The following AK5 variants were observed in gnomAD, a reference collection of about 807,000 sequenced individuals.
AK5 encodes the protein adenylate kinase isoenzyme 5.
In AK5, 27 loss-of-function variants were observed where a neutral mutation model predicts 69.5. That is an observed-to-expected ratio of 0.39 (90% CI 0.29 to 0.54). AK5 has a LOEUF of 0.54. Ranked by LOEUF, AK5 falls within the 20% of genes least tolerant of loss-of-function variation. The probability of loss-of-function intolerance (pLI) is 0.71; values close to 1 mark genes in which losing one functional copy is unlikely to be tolerated. For synonymous variants in AK5, 260 were observed against 244.4 expected (o/e 1.06, Z -0.60); for missense variants, 531 against 700.4 (o/e 0.76, Z 2.73).
chr1:77,534,869 C>A (rs2100354556), intron 12 of AK5, among the ~76,000 whole-genome samples: 1 of 152,232 alleles, frequency 6.6e-6, no homozygotes, highest in South Asian at 2.1e-4. Context: ...CTTTAAAGAA[C>A]AATTTGTTAT....
chr1:77,538,266 G>A (rs1243284028), intron 13 of AK5, among the ~76,000 whole-genome samples: 2 of 151,600 alleles, frequency 1.3e-5, no homozygotes, highest in African/African-American at 4.8e-5. Context: ...TTGAGCCTGG[G>A]AGGTCAAGGC....
Position 77,297,742 on chromosome 1 carries a change from A to C in AK5, c.585+14A>C, listed in dbSNP as rs745489963. Reference sequence around the variant, plus strand: ...TTGGCCCCACAGGTACTGCTGTATAATTATCTTTTATTCTGCAAAATGTTT... The same window carrying C: ...TTGGCCCCACAGGTACTGCTGTATACTTATCTTTTATTCTGCAAAATGTTT... On this transcript the variant is annotated intron_variant, in intron 4 of 13. Coordinates refer to ENST00000354567, the MANE Select transcript of AK5 (RefSeq NM_174858.3). 4.4e-6 allele frequency: 7 copies of C among 1,607,250 alleles called. No individual in the cohort carries two copies. The highest frequency in any genetic ancestry group is 1.7e-6 in the Non-Finnish European group (2 of 1,177,794).
At chr1:77,367,662 ATGT>A (rs1225059591) in intron 6 of AK5, among the ~76,000 whole-genome samples, 3 of 95,572 alleles carry the variant, frequency 3.1e-5, no homozygotes, top group African/African-American at 4.2e-5. Context: ...TGTTATATAT[ATGT>A]TATATATAAT....
At position 77,477,707 on chromosome 1, in the gene AK5, A is replaced by G. The variant is rs1368825018; in HGVS notation, c.1060-5610A>G. On this transcript the variant is annotated intron_variant, in intron 8 of 13. Transcript: ENST00000354567. The stretch of plus-strand genomic sequence containing the variant: ...TCTATGTTCAGTGTCAGAAAAACAA[A>G]GTCTCCTTTTTTTGCAGCATTCATT... Among the ~76,000 whole-genome samples, 3 of 152,170 alleles carry G rather than the reference A, an allele frequency of 2.0e-5. No homozygotes were observed. The East Asian group carries it at 5.8e-4, about 29-fold the overall frequency.
At chr1:77,404,974 G>A (rs1341642405) in intron 6 of AK5, among the ~76,000 whole-genome samples, 1 of 152,122 alleles carries the variant, frequency 6.6e-6, no homozygotes, top group Non-Finnish European at 1.5e-5. Context: ...TTACTCGGAG[G>A]ATATAAGACC....
intron 6 of AK5, among the ~76,000 whole-genome samples, chr1:77,377,219 T>C (rs573492252): frequency 2.9e-4 from 44 of 152,288 alleles, no homozygotes; most frequent in African/African-American, 1.1e-3. Context: ...TCCTCTCTAC[T>C]TGGGTGTCAC....
intron 6 of AK5, among the ~76,000 whole-genome samples, chr1:77,365,192 G>T (rs1234102256): frequency 6.6e-6 from 1 of 152,100 alleles, no homozygotes; most frequent in African/African-American, 2.4e-5. Flanking sequence ...CAGGTCAATG[G>T]CTCATTTTTT....
At chr1:77,430,506 G>A (rs1461735610) in intron 8 of AK5, among the ~76,000 whole-genome samples, 1 of 152,184 alleles carries the variant, frequency 6.6e-6, no homozygotes, top group Non-Finnish European at 1.5e-5. Flanking sequence ...TAGGTCTGGT[G>A]TTCAGAGGAA....
At chr1:77,426,312 A>C (rs1651205747) in intron 8 of AK5, among the ~76,000 whole-genome samples, 4 of 152,206 alleles carry the variant, frequency 2.6e-5, no homozygotes, top group Admixed American at 2.0e-4. Flanking sequence ...CGCTAATCAA[A>C]AGAAAGCAGG....
intron 3 of AK5, among the ~76,000 whole-genome samples, chr1:77,296,924 C>T (rs77444855): frequency 0.011 from 1,660 of 152,204 alleles, 10 homozygotes; most frequent in Non-Finnish European, 0.019. Flanking sequence ...TTCTTGGCAT[C>T]TTTGTGGAAA....
At chr1:77,285,787 AT>A (rs1048936491) in intron 1 of AK5, among the ~76,000 whole-genome samples, 47 of 147,816 alleles carry the variant, frequency 3.2e-4, no homozygotes, top group Admixed American at 3.4e-4. Context: ...TCAAATAGTA[AT>A]TTTTTTTTTT....
chr1:77,312,440 C>T (rs905390598), intron 5 of AK5, among the ~76,000 whole-genome samples: 1 of 151,988 alleles, frequency 6.6e-6, no homozygotes, highest in Non-Finnish European at 1.5e-5. Context: ...TATGGCAAAA[C>T]CCTGTCTCTA....
At chr1:77,341,048 A>T (rs2100383700) in intron 6 of AK5, among the ~76,000 whole-genome samples, 1 of 152,336 alleles carries the variant, frequency 6.6e-6, no homozygotes, top group African/African-American at 2.4e-5. Context: ...TAAGGGTTTG[A>T]CTTGTCATAA....
At chr1:77,374,353 ATTTC>A (rs1647184692) in intron 6 of AK5, among the ~76,000 whole-genome samples, 1 of 150,450 alleles carries the variant, frequency 6.6e-6, no homozygotes, top group Non-Finnish European at 1.5e-5. Flanking sequence ...CCCAAATAGA[ATTTC>A]CTTCAGATTG....
intron 8 of AK5, among the ~76,000 whole-genome samples, chr1:77,421,560 A>G (rs1172122440): frequency 3.9e-5 from 6 of 152,194 alleles, no homozygotes; most frequent in African/African-American, 1.2e-4. Context: ...ATTGCACATT[A>G]CCTCATCTCA....
chr1:77,501,328 C>T (rs866162426), intron 10 of AK5, among the ~76,000 whole-genome samples: 2 of 152,226 alleles, frequency 1.3e-5, no homozygotes, highest in Non-Finnish European at 1.5e-5. Context: ...CTGCCCTCCA[C>T]GAATTCTCCC....
intron 6 of AK5, among the ~76,000 whole-genome samples, chr1:77,401,989 C>T (rs538265320): frequency 6.6e-6 from 1 of 152,322 alleles, no homozygotes; most frequent in South Asian, 2.1e-4. Flanking sequence ...TCTGCAAATT[C>T]TGTCCTTAGG....
intron 8 of AK5, among the ~76,000 whole-genome samples, chr1:77,419,514 G>T (rs1474643491): frequency 1.3e-5 from 2 of 152,052 alleles, no homozygotes; most frequent in African/African-American, 4.8e-5. Context: ...AAAGAAGAAA[G>T]AAAAAGGGAA....
intron 10 of AK5, among the ~76,000 whole-genome samples, chr1:77,492,368 G>A (rs867763088): frequency 2.0e-5 from 3 of 152,246 alleles, no homozygotes; most frequent in South Asian, 4.1e-4. Flanking sequence ...CACTGCTGCC[G>A]TGCACCACAG....
Sources: allele counts gnomAD v4.1 joint callset (sites outside exome capture counted in the v4.1 genomes callset), GRCh38; gene constraint gnomAD v4.1.1; transcripts MANE v1.5; gene names NCBI Gene and HGNC (gene_info 2026-07-23, HGNC 2026-07-21).